The following ADAM19 variants were observed in gnomAD, a reference collection of about 807,000 sequenced individuals.
The protein encoded by ADAM19 is disintegrin and metalloproteinase domain-containing protein 19.
A neutral mutation model predicts 114.7 loss-of-function variants in ADAM19; 65 were observed. That is an observed-to-expected ratio of 0.57 (90% CI 0.46 to 0.70). The LOEUF (loss-of-function observed/expected upper bound fraction) is 0.70. ADAM19 is among the 30% of genes least tolerant of loss of function. The probability of loss-of-function intolerance (pLI) is 0.00; values close to 1 mark genes in which losing one functional copy is unlikely to be tolerated. For missense variants in ADAM19, 1,063 were observed against 1,204.7 expected, an observed-to-expected ratio of 0.88 and a Z score of 1.74; for synonymous variants, 466 against 460.5, an observed-to-expected ratio of 1.01 and a Z score of -0.15.
chr5:157,556,763 T>G (rs1440934236), intron 3 of ADAM19, among the ~76,000 whole-genome samples: 1 of 152,234 alleles, frequency 6.6e-6, no homozygotes, highest in African/African-American at 2.4e-5. Flanking sequence ...TTGAGTTTCA[T>G]TATAAAATGC....
At chr5:157,568,316 A>G (rs1757725704) in intron 2 of ADAM19, 1 of 152,208 alleles carries the variant, frequency 6.6e-6, no homozygotes, top group Non-Finnish European at 1.5e-5. Context: ...TCCAAAAATA[A>G]TTCTCTCTAT....
chr5:157,502,728 G>T, intron 12 of ADAM19, 75 bp downstream of exon 12: 1 of 1,519,240 alleles, frequency 6.6e-7, no homozygotes, highest in Non-Finnish European at 9.0e-7. Flanking sequence ...ATTTTCAATT[G>T]TGTTCTCTTT....
intron 3 of ADAM19, among the ~76,000 whole-genome samples, chr5:157,557,691 C>T (rs1339167968): frequency 6.6e-6 from 1 of 152,142 alleles, no homozygotes; most frequent in African/African-American, 2.4e-5. Context: ...CTAGTGAGGG[C>T]CCTCTCTCCG....
At position 157,490,390 on chromosome 5, in the gene ADAM19, C is replaced by T; in HGVS notation, c.2160G>A (p.Met720Ile). The T allele has an allele frequency of 6.2e-7, 1 of 1,614,108 alleles. No homozygotes were observed. Among genetic ancestry groups the T allele is most frequent in the Non-Finnish European group, 8.5e-7 (1 of 1,180,010 alleles). The change falls in exon 19 of 23, where the codon ATG becomes ATA. Residue 720 changes from methionine to isoleucine, a missense_variant. By Grantham distance (10) the Met-to-Ile change is conservative. Coordinates refer to ENST00000257527, the MANE Select transcript of ADAM19 (RefSeq NM_033274.5). ...AILVLAVLML[M>I]YYCCRQNNKL... ...TGTTGTTCTGTCTGCAGCAGTAGTA[C>T]ATCAGCATGAGGACCGCCAGCACCA... is the stretch of plus-strand genomic sequence containing the variant.
Position 157,491,785 on chromosome 5 carries a change from T to G in ADAM19, c.1986+50A>C, listed in dbSNP as rs746434083. On this transcript the variant is annotated intron_variant, in intron 17 of 22. Transcript: ENST00000257527. ...GAGAGCATCAGCCACCCACAGGGCC[T>G]GCCCTCATGACGTCCCCATGACACA... 2.5e-6 allele frequency: 4 copies of G among 1,612,256 alleles called. No homozygotes were observed. The East Asian group carries it at 8.9e-5, about 36-fold the overall frequency.
rs1289002805 is a variant in ADAM19, at chr5:157,493,322, A to C, written c.1704-145T>G. The C allele has an allele frequency of 5.2e-6, 4 of 769,600 alleles. No individual in the cohort carries two copies. The South Asian group carries it at 7.1e-5, about 14-fold the overall frequency. 47.7% of individuals were successfully genotyped at this position (769,600 alleles called of 1,614,324 possible). A position where few individuals can be genotyped will look rare whatever the true frequency, so the allele number is the denominator to read the frequency against. On this transcript the variant is annotated intron_variant, in intron 15 of 22. Coordinates refer to ENST00000257527, the MANE Select transcript of ADAM19 (RefSeq NM_033274.5). ...GTTTAGGGCAGTCATGTGCTTTGGA[A>C]CCCACCAGGAGAGATTCCATGTGGA...
chr5:157,499,732 G>A (rs537506604), intron 12 of ADAM19, 70 bp from the exon 13 acceptor site: 3 of 1,052,082 alleles, frequency 2.9e-6, no homozygotes, highest in African/African-American at 3.2e-5. Context: ...CCCCACCCTT[G>A]CCCACACACC....
intron 3 of ADAM19, among the ~76,000 whole-genome samples, chr5:157,548,962 C>G (rs1172653492): frequency 6.6e-6 from 1 of 152,214 alleles, no homozygotes; most frequent in African/African-American, 2.4e-5. Context: ...TCCCGCCCAC[C>G]AGCCTTGCAT....
chr5:157,481,192 GC>G, intron 22 of ADAM19, 190 bp from the exon 23 acceptor site: 1 of 712,998 alleles, frequency 1.4e-6, no homozygotes, highest in Non-Finnish European at 2.3e-6. Flanking sequence ...TGTGGTAGGT[GC>G]CCCTATCTCA....
At chr5:157,546,027 G>A (rs769742245) in intron 3 of ADAM19, among the ~76,000 whole-genome samples, 3 of 152,356 alleles carry the variant, frequency 2.0e-5, no homozygotes, top group Non-Finnish European at 1.5e-5. Flanking sequence ...CATGTATGGA[G>A]GTCCGTGATG....
intron 21 of ADAM19, among the ~76,000 whole-genome samples, chr5:157,485,350 C>T (rs928116120): frequency 2.6e-5 from 4 of 152,150 alleles, no homozygotes; most frequent in Non-Finnish European, 4.4e-5. Context: ...CATAAATATA[C>T]AACTAGATGA....
At chr5:157,547,868 T>C (rs1757091384) in intron 3 of ADAM19, among the ~76,000 whole-genome samples, 1 of 152,206 alleles carries the variant, frequency 6.6e-6, no homozygotes, top group South Asian at 2.1e-4. Context: ...GCTGTCACTA[T>C]GTGACTTTTA....
At chr5:157,490,934 T>C (rs959819849) in intron 18 of ADAM19, among the ~76,000 whole-genome samples, 3 of 151,004 alleles carry the variant, frequency 2.0e-5, no homozygotes, top group African/African-American at 4.9e-5. Flanking sequence ...CTCAGACAGA[T>C]TTAAGACTAG....
Position 157,575,646 on chromosome 5 carries a change from C to T in ADAM19, c.51G>A (p.Leu17=). The part of the protein sequence containing the change: ...AARLCLLAFA[L]QPLRPRAARE... Reference sequence around the variant, plus strand: ...GCGCCGCCCGCGGCCGGAGGGGCTGCAGGGCAAACGCCAGCAAGCAGAGCC... The same window carrying T: ...GCGCCGCCCGCGGCCGGAGGGGCTGTAGGGCAAACGCCAGCAAGCAGAGCC... The change falls in exon 1 of 23, where the codon CTG becomes CTA. Residue 17 remains leucine (L), a synonymous_variant. Transcript: ENST00000257527. The T allele has an allele frequency of 3.5e-6, 5 of 1,426,364 alleles. No individual in the cohort carries two copies. The highest frequency in any genetic ancestry group is 1.4e-5 in the South Asian group (1 of 70,182). 88.4% of individuals were successfully genotyped at this position (1,426,364 alleles called of 1,614,324 possible). A position where few individuals can be genotyped will look rare whatever the true frequency, so the allele number is the denominator to read the frequency against.
At chr5:157,558,390 T>C (rs1167712724) in intron 3 of ADAM19, among the ~76,000 whole-genome samples, 2 of 152,234 alleles carry the variant, frequency 1.3e-5, no homozygotes, top group East Asian at 3.8e-4. Flanking sequence ...TTGAATACTT[T>C]AGATCTGCCA....
intron 5 of ADAM19, among the ~76,000 whole-genome samples, chr5:157,529,577 C>A (rs1241196960): frequency 6.6e-6 from 1 of 152,130 alleles, no homozygotes; most frequent in Non-Finnish European, 1.5e-5. Flanking sequence ...ACCTGAGATG[C>A]TGCATTTCGA....
intron 12 of ADAM19, among the ~76,000 whole-genome samples, chr5:157,502,540 C>T (rs1755599361): frequency 6.6e-6 from 1 of 152,326 alleles, no homozygotes; most frequent in African/African-American, 2.4e-5. Context: ...CAACATGCCA[C>T]GTGATCGTGG....
At chr5:157,481,200 C>T (rs895314957) in intron 22 of ADAM19, 198 bp from the exon 23 acceptor site, 5 of 669,574 alleles carry the variant, frequency 7.5e-6, no homozygotes, top group African/African-American at 5.4e-5. Flanking sequence ...GTGCCCCTAT[C>T]TCAAGCTGAC....
At chr5:157,494,264 G>T (rs572533587) in intron 15 of ADAM19, among the ~76,000 whole-genome samples, 1 of 95,864 alleles carries the variant, frequency 1.0e-5, no homozygotes, top group African/African-American at 4.8e-5. Flanking sequence ...TGGATGGATA[G>T]ATGGATGGAT....
Sources: allele counts gnomAD v4.1 joint callset (sites outside exome capture counted in the v4.1 genomes callset), GRCh38; gene constraint gnomAD v4.1.1; transcripts MANE v1.5; gene names NCBI Gene and HGNC (gene_info 2026-07-23, HGNC 2026-07-21).